Variants in CEP295 observed in about 807,000 individuals in gnomAD.
CEP295 encodes centrosomal protein of 295 kDa.
Under a neutral mutation model 291.6 loss-of-function variants are expected in CEP295, and 190 were observed. The observed-to-expected ratio is 0.65, with a 90% CI of 0.58 to 0.73. The LOEUF (loss-of-function observed/expected upper bound fraction) is 0.73, where lower values mean the gene tolerates loss of function less well. Ranked by LOEUF, CEP295 falls within the 30% of genes least tolerant of loss-of-function variation. The pLI is 0.00. For synonymous variants in CEP295, 993 were observed against 1,038.8 expected (o/e 0.96, Z 0.85); for missense variants, 2,863 against 2,949.4 (o/e 0.97, Z 0.68).
At chr11:93,705,437 C>A (rs987044430) in intron 17 of CEP295, among the ~76,000 whole-genome samples, 1 of 152,010 alleles carries the variant, frequency 6.6e-6, no homozygotes, top group Non-Finnish European at 1.5e-5. Context: ...CTATATTGAT[C>A]TTTCCATTTT....
intron 18 of CEP295, among the ~76,000 whole-genome samples, chr11:93,709,050 C>G (rs1289429939): frequency 6.6e-6 from 1 of 152,136 alleles, no homozygotes; most frequent in Non-Finnish European, 1.5e-5. Flanking sequence ...TTATGAATCC[C>G]TTGTCAGATG....
At position 93,679,567 on chromosome 11, in the gene CEP295, C is replaced by A. The variant is rs1009160029; in HGVS notation, c.765+15C>A. Reference sequence around the variant, plus strand: ...ATTTGGCTCAAGTAAGACTTATATTCTACCCATGACCATTACTCATGGACT... The same window carrying A: ...ATTTGGCTCAAGTAAGACTTATATTATACCCATGACCATTACTCATGGACT... On this transcript the variant is annotated intron_variant, in intron 7 of 29. Transcript: ENST00000325212. 6.5e-7 allele frequency: 1 copy of A among 1,548,342 alleles called. No homozygotes were observed. Among genetic ancestry groups the A allele is most frequent in the Non-Finnish European group, 8.7e-7 (1 of 1,145,120 alleles).
chr11:93,722,161 T>C (rs1953781107), intron 20 of CEP295, 111 bp downstream of exon 20: 1 of 687,970 alleles, frequency 1.5e-6, no homozygotes, highest in East Asian at 2.7e-5. Flanking sequence ...GGGGAACTAT[T>C]TCTCTAAATC....
At position 93,689,178 on chromosome 11, in the gene CEP295, A is replaced by G. The variant is rs921211913; in HGVS notation, c.1336+1313A>G. Among the ~76,000 whole-genome samples, 4 of 152,170 alleles carry G rather than the reference A, an allele frequency of 2.6e-5. No individual in the cohort carries two copies. In the East Asian group the frequency reaches 5.8e-4, roughly 22 times the overall value. ...CCTTTGCACCTCCCTGTTATTGTCT[A>G]TTAACATAGTGGTCCTCTTAAAAAC... On this transcript the variant is annotated intron_variant, in intron 10 of 29. Transcript: ENST00000325212.
intron 6 of CEP295, among the ~76,000 whole-genome samples, chr11:93,677,283 A>G (rs909137461): frequency 3.9e-5 from 6 of 152,124 alleles, no homozygotes; most frequent in Admixed American, 1.3e-4. Flanking sequence ...CACGCTTGGC[A>G]TATATGTTTG....
intron 18 of CEP295, among the ~76,000 whole-genome samples, chr11:93,720,244 G>C (rs1953596979): frequency 6.6e-6 from 1 of 151,758 alleles, no homozygotes; most frequent in African/African-American, 2.4e-5. Flanking sequence ...AGGCCGAGGT[G>C]GGCGGATCAC....
chr11:93,680,477 G>T (rs1323067800), intron 7 of CEP295, among the ~76,000 whole-genome samples: 1 of 152,052 alleles, frequency 6.6e-6, no homozygotes, highest in Non-Finnish European at 1.5e-5. Flanking sequence ...TGGTGGCCTG[G>T]GACTACAGAG....
At chr11:93,724,583 A>G (rs911943291) in intron 22 of CEP295, among the ~76,000 whole-genome samples, 2 of 152,132 alleles carry the variant, frequency 1.3e-5, no homozygotes, top group East Asian at 3.9e-4. Flanking sequence ...CCTGGCCAAC[A>G]TGGCAAAACC....
intron 6 of CEP295, among the ~76,000 whole-genome samples, chr11:93,676,414 G>A (rs1350533514): frequency 1.3e-5 from 2 of 151,768 alleles, no homozygotes; most frequent in African/African-American, 4.8e-5. Flanking sequence ...GTGTCAGTGG[G>A]GGTTTTAATT....
intron 6 of CEP295, among the ~76,000 whole-genome samples, 184 bp downstream of exon 6, chr11:93,675,850 TAAAG>T (rs1242456687): frequency 1.3e-5 from 2 of 152,190 alleles, no homozygotes; most frequent in East Asian, 3.8e-4. Flanking sequence ...TAATATGAAT[TAAAG>T]AAACTAGTTG....
chr11:93,686,124 C>G (rs2134989662), intron 9 of CEP295, among the ~76,000 whole-genome samples: 1 of 151,924 alleles, frequency 6.6e-6, no homozygotes, highest in South Asian at 2.1e-4. Context: ...TTCAAGACCA[C>G]CCTGGCCAAC....
At chr11:93,729,232 C>A (rs1937953354) in intron 25 of CEP295, 1 of 598,072 alleles carries the variant, frequency 1.7e-6, no homozygotes, top group Non-Finnish European at 3.0e-6. Context: ...AAGCCCAGTT[C>A]AAGACCAGCC....
At position 93,691,992 on chromosome 11, in the gene CEP295, GC is replaced by G; in HGVS notation, c.1496del (p.Ala499GlufsTer14). The part of the protein sequence containing the change: ...QSSVLLHPQE[A>X]AARIRMSARQ... Reference sequence around the variant, plus strand: ...TTCAGTTCTACTTCATCCTCAAGAAGCAGCAGCCAGGATTAGAATGTCAGCA... The same window carrying G: ...TTCAGTTCTACTTCATCCTCAAGAAGAGCAGCCAGGATTAGAATGTCAGCA... On this transcript the variant is annotated frameshift_variant, in exon 12 of 30. Transcript: ENST00000325212. LOFTEE classifies it high-confidence loss of function. 1 of 1,542,092 alleles carries G rather than the reference GC, an allele frequency of 6.5e-7. No individual in the cohort carries two copies. Among genetic ancestry groups the G allele is most frequent in the East Asian group, 2.5e-5 (1 of 40,802 alleles).
chr11:93,721,468 C>T (rs758422379), intron 19 of CEP295, 56 bp downstream of exon 19: 1 of 1,097,380 alleles, frequency 9.1e-7, no homozygotes, highest in South Asian at 1.2e-5. Flanking sequence ...TTCGTATTCT[C>T]TTTTGTTTAG....
At chr11:93,691,830 T>A (rs1303529801) in intron 11 of CEP295, 55 bp downstream of exon 11, 16 of 1,306,340 alleles carry the variant, frequency 1.2e-5, no homozygotes, top group Middle Eastern at 1.9e-4. Flanking sequence ...ATCTTTTTTT[T>A]AAATAAAATT....
At chr11:93,682,045 T>C (rs1951000989) in intron 7 of CEP295, among the ~76,000 whole-genome samples, 1 of 152,054 alleles carries the variant, frequency 6.6e-6, no homozygotes. Flanking sequence ...TGAGCTAGAA[T>C]AGTACACTTA....
At chr11:93,702,051 C>T (rs1367155694) in intron 15 of CEP295, among the ~76,000 whole-genome samples, 1 of 151,956 alleles carries the variant, frequency 6.6e-6, no homozygotes, top group Non-Finnish European at 1.5e-5. Flanking sequence ...CTCTGCCTTC[C>T]AGGTTCAAGT....
At chr11:93,722,683 TG>T (rs1228341073) in intron 20 of CEP295, 1 of 173,404 alleles carries the variant, frequency 5.8e-6, no homozygotes, top group Non-Finnish European at 1.2e-5. Flanking sequence ...CACTAAAATA[TG>T]TCTGTAAGGA....
At chr11:93,677,474 CT>C (rs1442065807) in intron 6 of CEP295, among the ~76,000 whole-genome samples, 2 of 152,108 alleles carry the variant, frequency 1.3e-5, no homozygotes, top group Admixed American at 1.3e-4. Flanking sequence ...AAGTGGCCTG[CT>C]GTAGTCCTAC....
Sources: allele counts gnomAD v4.1 joint callset (sites outside exome capture counted in the v4.1 genomes callset), GRCh38; gene constraint gnomAD v4.1.1; transcripts MANE v1.5; gene names NCBI Gene and HGNC (gene_info 2026-07-23, HGNC 2026-07-21).